TBCD: variants seen among roughly 807,000 people sequenced by gnomAD.
TBCD encodes tubulin-specific chaperone D.
TBCD carries 105 observed loss-of-function variants against 169.3 expected under a neutral mutation model. The ratio of observed to expected loss-of-function variants is 0.62; its 90% CI spans 0.53 to 0.73. The LOEUF (loss-of-function observed/expected upper bound fraction) is 0.73. TBCD is among the 30% of genes least tolerant of loss of function. The probability of loss-of-function intolerance (pLI) is 0.00; values close to 1 mark genes in which losing one functional copy is unlikely to be tolerated. For synonymous variants in TBCD, 700 were observed against 643.9 expected (o/e 1.09, Z -1.32); for missense variants, 1,444 against 1,600.1 (o/e 0.90, Z 1.66).
chr17:82,753,391 AG>A (rs1170019356), intron 1 of TBCD, among the ~76,000 whole-genome samples: 2 of 149,742 alleles, frequency 1.3e-5, no homozygotes, highest in African/African-American at 4.9e-5. Context: ...ACCCTCATCC[AG>A]GGACCAGTGA....
intron 7 of TBCD, among the ~76,000 whole-genome samples, chr17:82,783,510 C>T (rs1280317571): frequency 6.6e-6 from 1 of 152,200 alleles, no homozygotes; most frequent in Non-Finnish European, 1.5e-5. Context: ...AGCAGTCCGT[C>T]CCTCACCTTC....
chr17:82,823,048 G>A (rs910374797), intron 13 of TBCD, among the ~76,000 whole-genome samples: 3 of 152,220 alleles, frequency 2.0e-5, no homozygotes, highest in Non-Finnish European at 4.4e-5. Flanking sequence ...AGGGGGAAGG[G>A]GTGGAGGACC....
rs2053549074 is a variant in TBCD, at chr17:82,831,891, A to G, written c.1318+16957A>G. On this transcript the variant is annotated intron_variant, in intron 13 of 38. Transcript: ENST00000355528. The surrounding 1 kb of genome is among the most constrained non-coding windows in gnomAD (Gnocchi z 4.6). ...TGGTGTGGAAAGACACGGCCTTGGCAGTGGGGTTGTGTAAAGCCAGTGTCT... is the reference window on the plus strand; with the variant it reads ...TGGTGTGGAAAGACACGGCCTTGGCGGTGGGGTTGTGTAAAGCCAGTGTCT... 1.9e-6 allele frequency: 3 copies of G among 1,614,026 alleles called. No individual in the cohort carries two copies. The highest frequency in any genetic ancestry group is 1.7e-6 in the Non-Finnish European group (2 of 1,179,970).
chr17:82,788,284 T>C (rs1460934955), intron 7 of TBCD, among the ~76,000 whole-genome samples: 1 of 152,140 alleles, frequency 6.6e-6, no homozygotes, highest in Non-Finnish European at 1.5e-5. Flanking sequence ...CATGTGTGAC[T>C]CTGCTTGCTG....
In TBCD at chr17:82,831,819, A is replaced by G. The variant is rs1015040159; in HGVS notation, c.1318+16885A>G. The G allele has an allele frequency of 3.1e-6, 5 of 1,614,062 alleles. No individual in the cohort carries two copies. In the East Asian group the frequency reaches 6.7e-5, roughly 22 times the overall value. On this transcript the variant is annotated intron_variant, in intron 13 of 38. Transcript: ENST00000355528. The surrounding 1 kb of genome is among the most constrained non-coding windows in gnomAD (Gnocchi z 4.6). ...TATGTGGAAACTCTGGTGGAAGGAA[A>G]GGTGAGCCGGCTTTCCAGGGGTAGC...
chr17:82,774,402 G>T (rs566615061), intron 6 of TBCD, among the ~76,000 whole-genome samples: 1 of 152,338 alleles, frequency 6.6e-6, no homozygotes, highest in South Asian at 2.1e-4. Context: ...CAAGGCAGAA[G>T]AATTTTTCTT....
intron 6 of TBCD, among the ~76,000 whole-genome samples, chr17:82,779,157 A>T (rs959992548): frequency 3.3e-5 from 5 of 151,776 alleles, no homozygotes; most frequent in African/African-American, 1.2e-4. Flanking sequence ...GATTACAGGA[A>T]TGCGCCACCA....
At chr17:82,894,478 C>T (rs140659645) in intron 17 of TBCD, among the ~76,000 whole-genome samples, 1 of 152,324 alleles carries the variant, frequency 6.6e-6, no homozygotes, top group Non-Finnish European at 1.5e-5. Context: ...ATCGATTCCC[C>T]AACAGCCCTG....
chr17:82,931,539 C>A (rs1228495862), intron 33 of TBCD, among the ~76,000 whole-genome samples: 2 of 152,154 alleles, frequency 1.3e-5, no homozygotes. Context: ...CTCATTCCTC[C>A]TTGCTGACCA....
intron 7 of TBCD, among the ~76,000 whole-genome samples, chr17:82,791,091 C>CTTTTTT (rs35648641): frequency 2.4e-5 from 3 of 124,652 alleles, no homozygotes; most frequent in African/African-American, 3.1e-5. Context: ...TCTCTTGCAT[C>CTTTTTT]TTTTTTTTTT....
In TBCD at chr17:82,752,303, G is replaced by A. The variant is rs750366038; in HGVS notation, c.110G>A (p.Arg37Gln). 4.6e-5 allele frequency: 68 copies of A among 1,492,914 alleles called. No individual in the cohort carries two copies. The highest frequency in any genetic ancestry group is 2.3e-4 in the Middle Eastern group (1 of 4,284). 92.5% of individuals were successfully genotyped at this position (1,492,914 alleles called of 1,614,324 possible). A position where few individuals can be genotyped will look rare whatever the true frequency, so the allele number is the denominator to read the frequency against. Residue 37 changes from arginine to glutamine, a missense_variant, in exon 1 of 39, where the codon CGG (arginine) becomes CAG (glutamine). Arg to Gln is a conservative substitution (Grantham distance 43, BLOSUM62 1). Transcript: ENST00000355528. ...LEAFGESAET[R>Q]ALLGRLREVH... The stretch of plus-strand genomic sequence containing the variant: ...GCGTTCGGCGAGAGCGCGGAGACCC[G>A]GGCGCTGCTGGGCCGCCTGCGGGAG...
chr17:82,790,115 C>A (rs571675226), intron 7 of TBCD, among the ~76,000 whole-genome samples: 18 of 152,322 alleles, frequency 1.2e-4, no homozygotes, highest in African/African-American at 4.1e-4. Flanking sequence ...TTCACGTCAT[C>A]CTGAGTCTGT....
At chr17:82,896,461 T>G (rs1352696017) in intron 17 of TBCD, among the ~76,000 whole-genome samples, 1 of 141,236 alleles carries the variant, frequency 7.1e-6, no homozygotes, top group Non-Finnish European at 1.6e-5. Context: ...CAGTTTTTTT[T>G]TTTTTTTTTT....
chr17:82,932,484 C>T (rs546835731), intron 33 of TBCD, among the ~76,000 whole-genome samples, 174 bp from the exon 34 acceptor site: 1 of 152,372 alleles, frequency 6.6e-6, no homozygotes, highest in East Asian at 1.9e-4. Flanking sequence ...CAGCCTCCAG[C>T]CTTGTTTCTT....
chr17:82,809,835 C>T lies in TBCD; in HGVS notation c.1223+53C>T, dbSNP rs146805099. The T allele has an allele frequency of 4.9e-3, 7,568 of 1,546,824 alleles. 34 individuals are homozygous for T. Among genetic ancestry groups the T allele is most frequent in the Non-Finnish European group, 5.9e-3 (6,639 of 1,127,338 alleles). On this transcript the variant is annotated intron_variant, in intron 12 of 38. Transcript: ENST00000355528. ...TGGGCCTGACCCTGAGTTGAGAAGC[C>T]CTGGCTTTCCTTATATCCTTTCACG...
rs555930183 is a variant in TBCD, at chr17:82,939,474, G to A, written c.3477G>A (p.Ala1159=). 4.7e-5 allele frequency: 76 copies of A among 1,612,408 alleles called. No individual in the cohort carries two copies. The highest frequency in any genetic ancestry group is 1.2e-4 in the Admixed American group (7 of 59,890). ...TGGTGACTGTGCTCAGTGACACTGC[G>A]TGGTGAGTGAAGGCCCTTCCTGCAC... ...DEVVTVLSDT[A]WDAELAVVRE... Residue 1159 remains alanine (A), a splice_region_variant and synonymous_variant, in exon 37 of 39, where the codon GCG becomes GCA. Coordinates refer to ENST00000355528, the MANE Select transcript of TBCD (RefSeq NM_005993.5).
intron 13 of TBCD, among the ~76,000 whole-genome samples, chr17:82,821,619 A>G (rs2052421380): frequency 6.6e-6 from 1 of 152,144 alleles, no homozygotes; most frequent in Non-Finnish European, 1.5e-5. Context: ...CCCCCTCTCA[A>G]GGAGGCCTAC....
chr17:82,766,584 A>G (rs936946217), intron 4 of TBCD, among the ~76,000 whole-genome samples: 2 of 152,160 alleles, frequency 1.3e-5, no homozygotes. Flanking sequence ...CCCTTTATAA[A>G]AAAAATTATG....
intron 9 of TBCD, among the ~76,000 whole-genome samples, chr17:82,805,278 C>G (rs2050875300): frequency 6.6e-6 from 1 of 152,194 alleles, no homozygotes. Flanking sequence ...AGCAAGTAGG[C>G]GTAGAGCAGG....
Sources: gnomAD v4.1 joint callset for allele counts (sites outside exome capture counted in the v4.1 genomes callset) on GRCh38, gnomAD v4.1.1 for gene constraint, Gnocchi (gnomAD v3.1) non-coding constraint, MANE v1.5 for transcripts, NCBI Gene and HGNC (gene_info 2026-07-23, HGNC 2026-07-21) for gene names.